Variants in CALCOCO1 observed in about 807,000 individuals in gnomAD.
The protein encoded by CALCOCO1 is calcium-binding and coiled-coil domain-containing protein 1.
Under a neutral mutation model 86.3 loss-of-function variants are expected in CALCOCO1, and 44 were observed. The observed-to-expected ratio is 0.51, with a 90% CI of 0.40 to 0.66. CALCOCO1 has a LOEUF of 0.66. Among genes scored for constraint, CALCOCO1 ranks in the 30% least tolerant of loss-of-function variants. CALCOCO1 has a pLI of 0.00. For synonymous variants in CALCOCO1, 297 were observed against 327.6 expected, an observed-to-expected ratio of 0.91 and a Z score of 1.01; for missense variants, 708 against 851.1, an observed-to-expected ratio of 0.83 and a Z score of 2.09.
In CALCOCO1 at chr12:53,725,264, C is replaced by T. The variant is rs1280299063; in HGVS notation, c.-22G>A. 3 of 1,558,116 alleles carry T rather than the reference C, an allele frequency of 1.9e-6. No individual in the cohort carries two copies. Among genetic ancestry groups the T allele is most frequent in the South Asian group, 2.4e-5 (2 of 82,494 alleles). On this transcript the variant is annotated splice_region_variant and 5_prime_UTR_variant, in exon 2 of 15. Coordinates refer to ENST00000550804, the MANE Select transcript of CALCOCO1 (RefSeq NM_020898.3). ...CCATCCTGGCCTTGAGATATCTGTC[C>T]TCCTATGAAAGAAAGGGTTGATAGC...
chr12:53,724,059 C>T (rs1945951973), intron 3 of CALCOCO1: 1 of 438,094 alleles, frequency 2.3e-6, no homozygotes, highest in Admixed American at 3.6e-5. Flanking sequence ...GAGACAGAGT[C>T]TTGCTCCATC....
rs760435007 is a variant in CALCOCO1 at position 53,714,126 on chromosome 12, C to A, written c.1591+7G>T. The A allele has an allele frequency of 1.6e-4, 254 of 1,597,228 alleles. No homozygotes were observed. Among genetic ancestry groups the A allele is most frequent in the Non-Finnish European group, 2.0e-4 (229 of 1,167,766 alleles). On this transcript the variant is annotated splice_region_variant and intron_variant, in intron 12 of 14. Transcript: ENST00000550804. ...AAGAGGTGTTACAAGATTGGGGCTA[C>A]ACGGACTCAGCCCCACAGCGGCCTC...
rs1039722254 is a variant in CALCOCO1, at chr12:53,708,876, G to GT, written c.*3067dup. On this transcript the variant is annotated 3_prime_UTR_variant, in exon 15 of 15. Transcript: ENST00000550804. Reference sequence around the variant, plus strand: ...TTGAGCTAGGAGGAAAGTAGTGTATGTTTTTGTGGAATGGTTCTGTTATAC... The same window carrying GT: ...TTGAGCTAGGAGGAAAGTAGTGTATGTTTTTTGTGGAATGGTTCTGTTATAC... 1.8e-4 allele frequency: 28 copies of GT among 152,372 alleles called. No homozygotes were observed. Among genetic ancestry groups the GT allele is most frequent in the African/African-American group, 6.5e-4 (27 of 41,580 alleles). 9.4% of individuals were successfully genotyped at this position (152,372 alleles called of 1,614,324 possible). A position where few individuals can be genotyped will look rare whatever the true frequency, so the allele number is the denominator to read the frequency against.
chr12:53,724,560 CTTT>C, intron 3 of CALCOCO1, 82 bp downstream of exon 3: 1 of 974,170 alleles, frequency 1.0e-6, no homozygotes. Flanking sequence ...TTGTGCCTAA[CTTT>C]TAATGTTTCT....
At chr12:53,717,866 A>C (rs992739852) in intron 7 of CALCOCO1, among the ~76,000 whole-genome samples, 6 of 152,170 alleles carry the variant, frequency 3.9e-5, no homozygotes, top group Non-Finnish European at 8.8e-5. Flanking sequence ...TCTACTAAAA[A>C]TACAAAAAAT....
At chr12:53,725,693 C>T (rs544772985) in intron 1 of CALCOCO1, 2 of 153,184 alleles carry the variant, frequency 1.3e-5, no homozygotes, top group South Asian at 4.1e-4. Context: ...TCCTTACCTA[C>T]TCCTAAGCTT....
intron 5 of CALCOCO1, 143 bp downstream of exon 5, chr12:53,721,882 C>T (rs1945879424): frequency 2.1e-6 from 2 of 941,702 alleles, no homozygotes; most frequent in Non-Finnish European, 3.3e-6. Context: ...TAATCCCAGC[C>T]ACTACCCCTT....
intron 4 of CALCOCO1, chr12:53,722,750 T>C (rs540384472): frequency 1.9e-5 from 6 of 308,426 alleles, no homozygotes; most frequent in South Asian, 1.4e-4. Context: ...CAGCTAGCTA[T>C]GTGATTTTGA....
At position 53,715,902 on chromosome 12, in the gene CALCOCO1, C is replaced by T. The variant is rs765478247; in HGVS notation, c.1151G>A (p.Arg384His). 30 of 1,614,086 alleles carry T rather than the reference C, an allele frequency of 1.9e-5. No homozygotes were observed. The highest frequency in any genetic ancestry group is 8.3e-5 in the Admixed American group (5 of 60,010). The change falls in exon 9 of 15, where the codon CGC becomes CAC. Residue 384 changes from arginine (R) to histidine (H), a missense_variant. By Grantham distance (29) the Arg-to-His change is conservative. Transcript: ENST00000550804. ...GCCGTTAACTTCAGCCACTTCCAGGCGGCTGCGGTGTAGTTCGGCTATGGT... is the reference window on the plus strand; with the variant it reads ...GCCGTTAACTTCAGCCACTTCCAGGTGGCTGCGGTGTAGTTCGGCTATGGT... ...DRTIAELHRSRLEVAEVNGRL... is the reference protein window; with the variant it reads ...DRTIAELHRSHLEVAEVNGRL...
rs536879880 is a variant in CALCOCO1 at position 53,718,879 on chromosome 12, A to T, written c.849+860T>A. ...TTTTTTTTTTTTGGCACAGAGTCTCACTCTGTTGCCCAGGCTGGAGAGCCG... is the reference window on the plus strand; with the variant it reads ...TTTTTTTTTTTTGGCACAGAGTCTCTCTCTGTTGCCCAGGCTGGAGAGCCG... On this transcript the variant is annotated intron_variant, in intron 7 of 14. Transcript: ENST00000550804. Among the ~76,000 whole-genome samples the T allele has an allele frequency of 1.1e-3, 117 of 105,270 alleles. 1 individual carries two copies. Among genetic ancestry groups the T allele is most frequent in the African/African-American group, 4.5e-3 (116 of 25,594 alleles). The allele number at this position is 105,270 out of a possible 152,430, so 69.1% of individuals were successfully genotyped here.
intron 6 of CALCOCO1, 80 bp downstream of exon 6, chr12:53,721,387 C>G (rs1157788474): frequency 5.3e-6 from 7 of 1,319,812 alleles, no homozygotes; most frequent in Non-Finnish European, 6.2e-6. Flanking sequence ...GACAGCAGGT[C>G]TGCTTGCCTG....
chr12:53,721,365 G>C (rs1945861230), intron 6 of CALCOCO1, 102 bp downstream of exon 6: 1 of 1,039,232 alleles, frequency 9.6e-7, no homozygotes, highest in African/African-American at 1.6e-5. Context: ...GAAAGAGAAA[G>C]CGTGTGAGGC....
At position 53,711,028 on chromosome 12, in the gene CALCOCO1, C is replaced by T. The variant is rs1042689593; in HGVS notation, c.*916G>A. Reference sequence around the variant, plus strand: ...GCAGGGATGCGTCCCCTCTTTCCCTCCTCCCTCCACCAGGGTCTAAGAGCT... The same window carrying T: ...GCAGGGATGCGTCCCCTCTTTCCCTTCTCCCTCCACCAGGGTCTAAGAGCT... On this transcript the variant is annotated 3_prime_UTR_variant, in exon 15 of 15. Coordinates refer to ENST00000550804, the MANE Select transcript of CALCOCO1 (RefSeq NM_020898.3). 16 of 371,532 alleles carry T rather than the reference C, an allele frequency of 4.3e-5. No individual in the cohort carries two copies. The highest frequency in any genetic ancestry group is 1.4e-3 in the Middle Eastern group (2 of 1,468). 23.0% of individuals were successfully genotyped at this position (371,532 alleles called of 1,614,324 possible). A position where few individuals can be genotyped will look rare whatever the true frequency, so the allele number is the denominator to read the frequency against.
intron 11 of CALCOCO1, 74 bp from the exon 12 acceptor site, chr12:53,714,315 A>G: frequency 1.7e-6 from 2 of 1,144,488 alleles, no homozygotes; most frequent in South Asian, 2.6e-5. Flanking sequence ...CAGAAGCTGC[A>G]CCCAAGAAGA....
intron 4 of CALCOCO1, among the ~76,000 whole-genome samples, chr12:53,722,626 G>C (rs1346133920): frequency 6.6e-6 from 1 of 152,070 alleles, no homozygotes; most frequent in Non-Finnish European, 1.5e-5. Flanking sequence ...GAGTGCAGTG[G>C]CTAGCCATAG....
chr12:53,719,835 A>T lies in CALCOCO1; in HGVS notation c.759-6T>A, dbSNP rs1296927873. Reference sequence around the variant, plus strand: ...CCTTCACTGTGTCTCTAAGCCTGTGATTGGTGGGATGACATGTCAGACAAT... The same window carrying T: ...CCTTCACTGTGTCTCTAAGCCTGTGTTTGGTGGGATGACATGTCAGACAAT... On this transcript the variant is annotated splice_polypyrimidine_tract_variant and splice_region_variant and intron_variant, in intron 6 of 14. Transcript: ENST00000550804. 1 of 1,602,764 alleles carries T rather than the reference A, an allele frequency of 6.2e-7. No individual in the cohort carries two copies. The highest frequency in any genetic ancestry group is 1.7e-5 in the Admixed American group (1 of 59,842).
chr12:53,722,319 T>A lies in CALCOCO1; in HGVS notation c.451-136A>T, dbSNP rs987684460. The A allele has an allele frequency of 2.4e-5, 22 of 899,818 alleles. 1 individual carries two copies. In the South Asian group the frequency reaches 2.8e-4, roughly 11 times the overall value. The allele number at this position is 899,818 out of a possible 1,614,324, so 55.7% of individuals were successfully genotyped here. A position where few individuals can be genotyped will look rare whatever the true frequency, so the allele number is the denominator to read the frequency against. ...GGTTATAAAGAGGTGAGGAAGGGGA[T>A]GCTCAGTGTGCTACCGAATCCCGTC... On this transcript the variant is annotated intron_variant, in intron 4 of 14. Transcript: ENST00000550804.
rs185008658 is a variant in CALCOCO1, at chr12:53,719,413, C to T, written c.849+326G>A. The stretch of plus-strand genomic sequence containing the variant: ...TGGTGGCACATGGCTGTAATCCCCG[C>T]TGCTCAGGTAACTGAGACGTGAGAG... On this transcript the variant is annotated intron_variant, in intron 7 of 14. Coordinates refer to ENST00000550804, the MANE Select transcript of CALCOCO1 (RefSeq NM_020898.3). 1.6e-4 allele frequency among the ~76,000 whole-genome samples: 25 copies of T among 152,186 alleles called. No homozygotes were observed. In the East Asian group the frequency reaches 4.7e-3, roughly 29 times the overall value.
At chr12:53,714,917 G>A (rs1190581091) in intron 10 of CALCOCO1, among the ~76,000 whole-genome samples, 6 of 152,158 alleles carry the variant, frequency 3.9e-5, no homozygotes, top group Non-Finnish European at 7.4e-5. Context: ...TCTCGAGTGG[G>A]GACCTGCATG....
Sources: gnomAD v4.1 joint callset for allele counts (sites outside exome capture counted in the v4.1 genomes callset) on GRCh38, gnomAD v4.1.1 for gene constraint, MANE v1.5 for transcripts, NCBI Gene and HGNC (gene_info 2026-07-23, HGNC 2026-07-21) for gene names.